Variants in COL14A1 observed in about 807,000 individuals in gnomAD.
COL14A1 encodes collagen type XIV alpha 1 chain.
Under a neutral mutation model 230.3 loss-of-function variants are expected in COL14A1, and 136 were observed. That is an observed-to-expected ratio of 0.59 (90% CI 0.51 to 0.68). COL14A1 has a LOEUF of 0.68. COL14A1 is among the 30% of genes least tolerant of loss of function. COL14A1 has a pLI of 0.00. For missense variants in COL14A1, 1,976 were observed against 2,215.8 expected, an observed-to-expected ratio of 0.89 and a Z score of 2.17; for synonymous variants, 792 against 784.1, an observed-to-expected ratio of 1.01 and a Z score of -0.17.
chr8:120,332,836 C>A, intron 42 of COL14A1, 101 bp downstream of exon 42: 1 of 837,050 alleles, frequency 1.2e-6, no homozygotes. Flanking sequence ...AATGTTTATT[C>A]AGCACTGGAC....
intron 26 of COL14A1, among the ~76,000 whole-genome samples, chr8:120,273,247 A>G (rs1819730316): frequency 6.6e-6 from 1 of 151,844 alleles, no homozygotes; most frequent in African/African-American, 2.4e-5. Context: ...GGAATGAAAG[A>G]TAATACTTAC....
intron 5 of COL14A1, among the ~76,000 whole-genome samples, chr8:120,196,427 C>T (rs1421445134): frequency 6.6e-6 from 1 of 152,148 alleles, no homozygotes; most frequent in Admixed American, 6.5e-5. Flanking sequence ...CTTCCCATCT[C>T]GGCTGACTGG....
Position 120,125,184 on chromosome 8 carries a change from A to T in COL14A1, c.-194A>T, listed in dbSNP as rs1039862922. On this transcript the variant is annotated 5_prime_UTR_variant, in exon 1 of 48. Transcript: ENST00000297848. ...GAAGTGGAAGCGCAGCGGCAGAAGG[A>T]GAGGGAGAGAGAAAGAGAGAGAGGC... is the stretch of plus-strand genomic sequence containing the variant. 7 of 152,680 alleles carry T rather than the reference A, an allele frequency of 4.6e-5. No individual in the cohort carries two copies. The highest frequency in any genetic ancestry group is 1.7e-4 in the African/African-American group (7 of 41,456). The allele number at this position is 152,680 out of a possible 1,614,324, so 9.5% of individuals were successfully genotyped here.
At chr8:120,307,381 G>A (rs1012321154) in intron 36 of COL14A1, among the ~76,000 whole-genome samples, 4 of 152,120 alleles carry the variant, frequency 2.6e-5, no homozygotes, top group Non-Finnish European at 5.9e-5. Flanking sequence ...ATTCAATAAT[G>A]GTGCTGGGAC....
rs182456543 is a variant in COL14A1 at position 120,209,906 on chromosome 8, C to A, written c.1467+5C>A. The A allele has an allele frequency of 4.7e-4, 743 of 1,594,966 alleles. 1 individual carries two copies. The highest frequency in any genetic ancestry group is 2.6e-3 in the African/African-American group (192 of 73,990). On this transcript the variant is annotated splice_donor_5th_base_variant and intron_variant, in intron 12 of 47. Transcript: ENST00000297848. ...CTGGCTGGGGATGAAAAAGAGGTAA[C>A]CACTTCCTACCTATTACAGTCCTAG...
In COL14A1 at chr8:120,369,365, C is replaced by T; in HGVS notation, c.5191C>T (p.Pro1731Ser). Residue 1731 changes from proline to serine, a missense_variant, in exon 47 of 48, where the codon CCC becomes TCC. Pro to Ser is a moderately conservative substitution (Grantham distance 74). Transcript: ENST00000297848. The part of the protein sequence containing the change: ...SGESRPGSPG[P>S]PGSPGPRGPP... ...GGAGAGTCGGCCTGGCAGCCCTGGG[C>T]CCCCTGGCTCTCCTGGACCAAGAGG... 1.3e-6 allele frequency: 2 copies of T among 1,599,148 alleles called. No homozygotes were observed. Among genetic ancestry groups the T allele is most frequent in the Non-Finnish European group, 8.5e-7 (1 of 1,172,930 alleles).
At chr8:120,209,931 G>A (rs201484768) in intron 12 of COL14A1, 30 bp downstream of exon 12, 3 of 1,425,826 alleles carry the variant, frequency 2.1e-6, no homozygotes, top group East Asian at 2.5e-5. Context: ...TACAGTCCTA[G>A]AATCTTTTAT....
chr8:120,277,892 T>C (rs894064692), intron 26 of COL14A1: 2 of 289,928 alleles, frequency 6.9e-6, no homozygotes, highest in South Asian at 7.7e-5. Context: ...ACCTACACAA[T>C]GTACCCTCTG....
intron 44 of COL14A1, 131 bp downstream of exon 44, chr8:120,342,577 C>T: frequency 2.4e-6 from 2 of 822,652 alleles, no homozygotes; most frequent in Non-Finnish European, 4.0e-6. Flanking sequence ...ATAAGCTTTA[C>T]AGATGACCAT....
At chr8:120,169,122 C>T (rs1208318948) in intron 5 of COL14A1, among the ~76,000 whole-genome samples, 1 of 152,180 alleles carries the variant, frequency 6.6e-6, no homozygotes, top group Non-Finnish European at 1.5e-5. Flanking sequence ...TCCCAAGGTG[C>T]TGGGATTACA....
At chr8:120,243,214 T>C (rs551934036) in intron 19 of COL14A1, among the ~76,000 whole-genome samples, 11 of 152,344 alleles carry the variant, frequency 7.2e-5, no homozygotes, top group Admixed American at 4.6e-4. Context: ...ACTTGCGCGA[T>C]GTCGAACCCA....
At chr8:120,238,971 G>A (rs1818536529) in intron 19 of COL14A1, among the ~76,000 whole-genome samples, 1 of 152,158 alleles carries the variant, frequency 6.6e-6, no homozygotes, top group Admixed American at 6.6e-5. Context: ...GATGAACCCG[G>A]TACCTCAGTT....
chr8:120,240,775 T>A (rs1251211403), intron 19 of COL14A1, among the ~76,000 whole-genome samples: 1 of 152,210 alleles, frequency 6.6e-6, no homozygotes, highest in Non-Finnish European at 1.5e-5. Flanking sequence ...CGTTTCCAGT[T>A]GAGGTAAATG....
At chr8:120,344,704 T>A (rs1172922022) in intron 44 of COL14A1, among the ~76,000 whole-genome samples, 1 of 152,222 alleles carries the variant, frequency 6.6e-6, no homozygotes, top group African/African-American at 2.4e-5. Context: ...AAAATTCACT[T>A]ATGTTGGGAA....
intron 14 of COL14A1, among the ~76,000 whole-genome samples, chr8:120,221,154 G>A (rs905204389): frequency 9.2e-5 from 14 of 152,122 alleles, no homozygotes; most frequent in Non-Finnish European, 1.9e-4. Context: ...TTGAGAGGCC[G>A]GTTCCTAATA....
intron 42 of COL14A1, among the ~76,000 whole-genome samples, chr8:120,339,007 TA>T (rs1446097203): frequency 2.6e-5 from 4 of 152,188 alleles, no homozygotes; most frequent in African/African-American, 7.2e-5. Flanking sequence ...GTGTGCTATG[TA>T]AATCTTACTT....
At position 120,129,398 on chromosome 8, in the gene COL14A1, T is replaced by C. The variant is rs138306653; in HGVS notation, c.-38+4058T>C. On this transcript the variant is annotated intron_variant, in intron 1 of 47. Coordinates refer to ENST00000297848, the MANE Select transcript of COL14A1 (RefSeq NM_021110.4). ...TTGACAGATGAACTATGTCAGTGTTTGAAAAAAATGAAGAGAGGGAAAAAA... is the reference window on the plus strand; with the variant it reads ...TTGACAGATGAACTATGTCAGTGTTCGAAAAAAATGAAGAGAGGGAAAAAA... Among the ~76,000 whole-genome samples the C allele has an allele frequency of 3.2e-3, 483 of 152,252 alleles. 5 individuals carry two copies. The highest frequency in any genetic ancestry group is 0.011 in the African/African-American group (454 of 41,548).
intron 4 of COL14A1, among the ~76,000 whole-genome samples, chr8:120,166,922 G>GTGTGTGTGT (rs1217998586): frequency 1.6e-4 from 21 of 134,508 alleles, no homozygotes; most frequent in Admixed American, 2.2e-4. Context: ...GTGTGTGTGT[G>GTGTGTGTGT]GTGGTGATGA....
chr8:120,204,635 C>T (rs955382922), intron 9 of COL14A1, among the ~76,000 whole-genome samples: 1 of 152,182 alleles, frequency 6.6e-6, no homozygotes, highest in Non-Finnish European at 1.5e-5. Flanking sequence ...TGTGAATGTT[C>T]ATGTGGAGGT....
Sources: gnomAD v4.1 joint callset for allele counts (sites outside exome capture counted in the v4.1 genomes callset) on GRCh38, gnomAD v4.1.1 for gene constraint, MANE v1.5 for transcripts, NCBI Gene and HGNC (gene_info 2026-07-23, HGNC 2026-07-21) for gene names.